The following ANK2 variants were observed in gnomAD, a reference collection of about 807,000 sequenced individuals.
The protein encoded by ANK2 is ankyrin-2.
In ANK2, 83 loss-of-function variants were observed where a neutral mutation model predicts 360.5. The observed-to-expected ratio is 0.23, with a 90% CI of 0.19 to 0.28. The LOEUF is 0.28. Among genes scored for constraint, ANK2 ranks in the 10% least tolerant of loss-of-function variants. ANK2 has a pLI of 1.00. For missense variants in ANK2, 4,201 were observed against 4,795.7 expected (o/e 0.88, Z 3.66); for synonymous variants, 1,740 against 1,759.5 (o/e 0.99, Z 0.28).
intron 2 of ANK2, among the ~76,000 whole-genome samples, chr4:113,195,214 A>T (rs553707454): frequency 6.6e-6 from 1 of 152,094 alleles, no homozygotes; most frequent in South Asian, 2.1e-4. Context: ...TCATAATAAG[A>T]TCATTTTATT....
At chr4:113,050,622 C>T (rs1271410243) in intron 1 of ANK2, among the ~76,000 whole-genome samples, 1 of 152,146 alleles carries the variant, frequency 6.6e-6, no homozygotes, top group Non-Finnish European at 1.5e-5. Flanking sequence ...CACAGAGCTT[C>T]CCTGAGCCTC....
intron 1 of ANK2, among the ~76,000 whole-genome samples, chr4:113,102,936 G>A (rs313958): frequency 0.18 from 27,962 of 151,958 alleles, 2,806 homozygotes; most frequent in South Asian, 0.24. Flanking sequence ...ATAGAAAAGT[G>A]TAACACAGGG....
At chr4:113,068,100 T>A (rs2076257254) in intron 1 of ANK2, among the ~76,000 whole-genome samples, 1 of 152,340 alleles carries the variant, frequency 6.6e-6, no homozygotes, top group East Asian at 1.9e-4. Context: ...TTTTTATTTC[T>A]TTCTCATTAG....
At chr4:112,773,704 A>T in the ANK2 span, among the ~76,000 whole-genome samples, 1 of 152,234 alleles carries the variant, frequency 6.6e-6, no homozygotes. Context: ...CCCAGCCTTT[A>T]TGTGGTAACA....
At chr4:113,287,995 G>A (rs29359) in intron 19 of ANK2, among the ~76,000 whole-genome samples, 6,531 of 152,160 alleles carry the variant, frequency 0.043, 174 homozygotes, top group East Asian at 0.069. Context: ...GACTTGCTGC[G>A]TTCCTCTTCT....
At chr4:113,255,525 G>A (rs369919739) in intron 10 of ANK2, among the ~76,000 whole-genome samples, 9 of 152,130 alleles carry the variant, frequency 5.9e-5, no homozygotes, top group African/African-American at 1.2e-4. Flanking sequence ...TTGCATTTTT[G>A]TCTATGGTAG....
At chr4:112,987,563 T>G (rs2045353394) in intron 2 of ANK2, among the ~76,000 whole-genome samples, 1 of 152,112 alleles carries the variant, frequency 6.6e-6, no homozygotes, top group Admixed American at 6.6e-5. Flanking sequence ...AATGACCAAC[T>G]GGCTCTCAGG....
chr4:112,860,560 TTTAAA>T (rs2150091470), intron 1 of ANK2, among the ~76,000 whole-genome samples: 1 of 152,298 alleles, frequency 6.6e-6, no homozygotes, highest in African/African-American at 2.4e-5. Flanking sequence ...CCCTCTAGGC[TTTAAA>T]TTAAATATCT....
intron 2 of ANK2, among the ~76,000 whole-genome samples, chr4:112,991,239 A>AAAC (rs1302122541): frequency 6.6e-6 from 1 of 151,206 alleles, no homozygotes; most frequent in Non-Finnish European, 1.5e-5. Context: ...AGAGCCTCAA[A>AAAC]AAAAAAAAAA....
At chr4:112,993,413 T>G (rs1192201207) in intron 2 of ANK2, among the ~76,000 whole-genome samples, 1 of 150,696 alleles carries the variant, frequency 6.6e-6, no homozygotes. Context: ...AGCAATTCTC[T>G]GCCTCAGCCT....
In ANK2 at chr4:112,888,992, C is replaced by G. The variant is rs548034600; in HGVS notation, c.-39-15463C>G. On this transcript the variant is annotated intron_variant, in intron 1 of 30. Transcript: ENST00000503271. ...GAAAAAAGAAATCATAGCACAAACC[C>G]CATATTATATTGGTTGCCTTAGACT... Among the ~76,000 whole-genome samples the G allele has an allele frequency of 3.9e-5, 6 of 152,156 alleles. No homozygotes were observed. In the East Asian group the frequency reaches 1.2e-3, roughly 29 times the overall value.
intron 2 of ANK2, among the ~76,000 whole-genome samples, chr4:112,928,343 TA>T (rs2092810244): frequency 6.6e-6 from 1 of 151,856 alleles, no homozygotes; most frequent in Non-Finnish European, 1.5e-5. Context: ...TATGGTACTA[TA>T]AAAAATAGTA....
At chr4:112,718,782 C>CAT in the ANK2 span, among the ~76,000 whole-genome samples, 1 of 152,192 alleles carries the variant, frequency 6.6e-6, no homozygotes, top group East Asian at 1.9e-4. Flanking sequence ...GGATTACAGG[C>CAT]ATGTGCCACC....
At chr4:113,259,134 T>TATCTTTGTA (rs2051160082) in intron 13 of ANK2, among the ~76,000 whole-genome samples, 1 of 152,212 alleles carries the variant, frequency 6.6e-6, no homozygotes, top group East Asian at 1.9e-4. Context: ...ATATCTCTCA[T>TATCTTTGTA]TTTCTTGGAT....
intron 2 of ANK2, among the ~76,000 whole-genome samples, chr4:113,178,463 T>C (rs1047777969): frequency 6.6e-6 from 1 of 150,454 alleles, no homozygotes; most frequent in East Asian, 2.0e-4. Flanking sequence ...TTCCAGCTAC[T>C]TGGGAGGCTG....
At chr4:112,967,368 T>C (rs996934774) in intron 2 of ANK2, among the ~76,000 whole-genome samples, 3 of 152,212 alleles carry the variant, frequency 2.0e-5, no homozygotes, top group Admixed American at 6.5e-5. Flanking sequence ...TTTCCCAAGT[T>C]ACATAATCAT....
At chr4:113,099,757 T>C (rs2092478116) in intron 1 of ANK2, among the ~76,000 whole-genome samples, 1 of 152,048 alleles carries the variant, frequency 6.6e-6, no homozygotes, top group Admixed American at 6.6e-5. Context: ...GACAGTGTGG[T>C]ACTGGTGAAA....
intron 1 of ANK2, chr4:113,117,028 T>C (rs2094867557): frequency 3.1e-6 from 1 of 325,424 alleles, no homozygotes; most frequent in Non-Finnish European, 6.1e-6. Flanking sequence ...TGCACACCTA[T>C]GCCTGTGTGC....
At chr4:113,193,637 A>G (rs2098705134) in intron 2 of ANK2, among the ~76,000 whole-genome samples, 1 of 152,146 alleles carries the variant, frequency 6.6e-6, no homozygotes, top group Non-Finnish European at 1.5e-5. Context: ...TTTCACATCT[A>G]TTTGTATCTA....
Sources: gnomAD v4.1 joint callset for allele counts (sites outside exome capture counted in the v4.1 genomes callset) on GRCh38, gnomAD v4.1.1 for gene constraint, MANE v1.5 for transcripts, NCBI Gene and HGNC (gene_info 2026-07-23, HGNC 2026-07-21) for gene names.